Variants in MAST4 observed in about 807,000 individuals in gnomAD.
MAST4 encodes microtubule associated serine/threonine kinase family member 4.
MAST4 carries 89 observed loss-of-function variants against 162.7 expected under a neutral mutation model. The observed-to-expected ratio is 0.55, with a 90% CI of 0.46 to 0.65. The LOEUF is 0.65. MAST4 is among the 30% of genes least tolerant of loss of function. The pLI is 0.00. For synonymous variants in MAST4, 1,479 were observed against 1,361.1 expected, an observed-to-expected ratio of 1.09 and a Z score of -1.91; for missense variants, 3,153 against 3,374.0, an observed-to-expected ratio of 0.93 and a Z score of 1.62.
At chr5:67,058,989 C>T (rs534242018) in intron 5 of MAST4, among the ~76,000 whole-genome samples, 57 of 152,336 alleles carry the variant, frequency 3.7e-4, no homozygotes, top group Admixed American at 2.0e-3. Context: ...TGGGCAGGCT[C>T]GCCTGGGTTC....
At chr5:66,847,997 G>A (rs942755906) in intron 3 of MAST4, among the ~76,000 whole-genome samples, 5 of 152,070 alleles carry the variant, frequency 3.3e-5, no homozygotes, top group African/African-American at 1.2e-4. Flanking sequence ...GTTGTCCTAA[G>A]CAAAACCTCT....
chr5:66,614,347 C>A (rs757006594), intron 1 of MAST4, among the ~76,000 whole-genome samples: 2 of 152,186 alleles, frequency 1.3e-5, no homozygotes, highest in Non-Finnish European at 1.5e-5. Context: ...TACAACCATG[C>A]TATTAATCTT....
At chr5:67,102,718 G>C (rs573061233) in intron 9 of MAST4, 107 bp downstream of exon 9, 39 of 844,788 alleles carry the variant, frequency 4.6e-5, no homozygotes, top group Non-Finnish European at 7.6e-5. Flanking sequence ...ATCTAGTAAT[G>C]ATTTGCATAA....
chr5:66,715,930 C>G (rs945297445), intron 1 of MAST4, among the ~76,000 whole-genome samples: 3 of 151,920 alleles, frequency 2.0e-5, no homozygotes, highest in African/African-American at 7.2e-5. Flanking sequence ...AAATTGCATT[C>G]TACTAATAGT....
chr5:66,879,000 CCGGG>C (rs1436635584), intron 3 of MAST4, among the ~76,000 whole-genome samples: 1 of 152,212 alleles, frequency 6.6e-6, no homozygotes, highest in East Asian at 1.9e-4. Context: ...GTACAATGGG[CCGGG>C]CGTGGTGGCT....
intron 1 of MAST4, among the ~76,000 whole-genome samples, chr5:66,617,307 G>A (rs1743758228): frequency 6.6e-6 from 1 of 152,204 alleles, no homozygotes; most frequent in Admixed American, 6.5e-5. Flanking sequence ...TGCTTTATGT[G>A]CATTATGGCA....
chr5:66,791,770 T>TC (rs1184712431), intron 3 of MAST4, among the ~76,000 whole-genome samples: 2 of 152,188 alleles, frequency 1.3e-5, no homozygotes, highest in Non-Finnish European at 2.9e-5. Flanking sequence ...AACCCTTATC[T>TC]TTCCCTTTCC....
At chr5:66,697,468 G>T (rs1320178164) in intron 1 of MAST4, among the ~76,000 whole-genome samples, 1 of 152,160 alleles carries the variant, frequency 6.6e-6, no homozygotes, top group Non-Finnish European at 1.5e-5. Context: ...TTGAGTTTTA[G>T]GGTAGTGTTG....
At chr5:66,634,220 T>C (rs975156597) in intron 1 of MAST4, among the ~76,000 whole-genome samples, 2 of 152,062 alleles carry the variant, frequency 1.3e-5, no homozygotes, top group Admixed American at 1.3e-4. Context: ...CCACCACGCC[T>C]GGCTAATTTT....
Position 67,166,204 on chromosome 5 carries a change from G to GC in MAST4, c.7029dup (p.Thr2344HisfsTer33). 6.4e-7 allele frequency: 1 copy of GC among 1,553,040 alleles called. No individual in the cohort carries two copies. Among genetic ancestry groups the GC allele is most frequent in the Non-Finnish European group, 8.7e-7 (1 of 1,147,600 alleles). On this transcript the variant is annotated frameshift_variant, in exon 29 of 29. Coordinates refer to ENST00000403625, the MANE Select transcript of MAST4 (RefSeq NM_001164664.2). LOFTEE classifies it low-confidence loss of function (END_TRUNC). ...CCCAAACCATCCACTGTGAAAGATT[G>GC]CCCCACCCTGTGCAAACAGACAGAC...
At chr5:66,924,043 T>C (rs1764715721) in intron 4 of MAST4, among the ~76,000 whole-genome samples, 1 of 152,220 alleles carries the variant, frequency 6.6e-6, no homozygotes, top group African/African-American at 2.4e-5. Flanking sequence ...TGACATATGA[T>C]AGGGTTTTAA....
chr5:66,791,196 G>A (rs754298675), intron 3 of MAST4, among the ~76,000 whole-genome samples: 1 of 152,074 alleles, frequency 6.6e-6, no homozygotes, highest in Non-Finnish European at 1.5e-5. Flanking sequence ...ACTAATTTTT[G>A]CATTTTTGGT....
chr5:66,954,580 ATATATGT>A (rs1353260052), intron 4 of MAST4, among the ~76,000 whole-genome samples: 2 of 152,218 alleles, frequency 1.3e-5, no homozygotes, highest in African/African-American at 4.8e-5. Flanking sequence ...CAATAAATAA[ATATATGT>A]TAGGTGAAAA....
At chr5:66,873,342 A>G (rs1761076151) in intron 3 of MAST4, among the ~76,000 whole-genome samples, 1 of 152,148 alleles carries the variant, frequency 6.6e-6, no homozygotes, top group Non-Finnish European at 1.5e-5. Flanking sequence ...GTAGCTAGTG[A>G]CCTTTCTTTA....
chr5:66,730,269 G>A (rs551887690), intron 1 of MAST4, among the ~76,000 whole-genome samples: 7 of 152,290 alleles, frequency 4.6e-5, no homozygotes, highest in Admixed American at 2.6e-4. Flanking sequence ...CTGAAGAGAT[G>A]TATTCTTCCC....
intron 7 of MAST4, among the ~76,000 whole-genome samples, chr5:67,099,814 T>G (rs1764833655): frequency 6.7e-6 from 1 of 148,688 alleles, no homozygotes; most frequent in South Asian, 2.1e-4. Flanking sequence ...ACTTGAAGGT[T>G]TTTTTTTTTT....
chr5:67,010,916 C>G (rs1214626883), intron 4 of MAST4, among the ~76,000 whole-genome samples: 2 of 152,112 alleles, frequency 1.3e-5, no homozygotes, highest in East Asian at 3.9e-4. Context: ...TCTCTGTGGG[C>G]AGCTAAATAC....
intron 1 of MAST4, among the ~76,000 whole-genome samples, chr5:66,627,001 A>C (rs955248241): frequency 8.5e-5 from 13 of 152,218 alleles, no homozygotes; most frequent in Non-Finnish European, 4.4e-5. Flanking sequence ...TCAAATGGCC[A>C]AAGATAGGAG....
chr5:67,163,143 A>T lies in MAST4; in HGVS notation c.3968-4A>T, dbSNP rs137936992. Reference sequence around the variant, plus strand: ...GCTCACAGCCTTCTGTTTTCCATCCACAGGTACTAATTCCTCCCAGAGCAG... The same window carrying T: ...GCTCACAGCCTTCTGTTTTCCATCCTCAGGTACTAATTCCTCCCAGAGCAG... On this transcript the variant is annotated splice_region_variant and splice_polypyrimidine_tract_variant and intron_variant, in intron 28 of 28. Coordinates refer to ENST00000403625, the MANE Select transcript of MAST4 (RefSeq NM_001164664.2). This position sits in a 1 kb window ranked among gnomAD's most constrained non-coding sequence, Gnocchi z 7.0. The T allele has an allele frequency of 1.1e-4, 175 of 1,595,886 alleles. No homozygotes were observed. The Admixed American group carries it at 3.0e-3, about 27-fold the overall frequency.
Sources: gnomAD v4.1 joint callset for allele counts (sites outside exome capture counted in the v4.1 genomes callset) on GRCh38, gnomAD v4.1.1 for gene constraint, Gnocchi (gnomAD v3.1) non-coding constraint, MANE v1.5 for transcripts, NCBI Gene and HGNC (gene_info 2026-07-23, HGNC 2026-07-21) for gene names.